The following INTS15 variants were observed in gnomAD, a reference collection of about 807,000 sequenced individuals.
INTS15 encodes the protein integrator complex subunit 15.
At chr7:6,592,098 G>A in the INTS15 span, among the ~76,000 whole-genome samples, 5 of 152,082 alleles carry the variant, frequency 3.3e-5, no homozygotes, top group African/African-American at 1.2e-4. Context: ...ATGAACCCGG[G>A]AGGCAGAGGT....
At chr7:6,601,660 CTT>C in the INTS15 span, among the ~76,000 whole-genome samples, 1 of 136,106 alleles carries the variant, frequency 7.3e-6, no homozygotes. Flanking sequence ...TTTTTTCTTT[CTT>C]TTTTTTTTTT....
chr7:6,600,246 C>G, the INTS15 span: 3 of 1,614,168 alleles, frequency 1.9e-6, no homozygotes, highest in African/African-American at 1.3e-5. Flanking sequence ...AACAGGTTGG[C>G]GGATGAACTG....
chr7:6,598,272 C>A, the INTS15 span, among the ~76,000 whole-genome samples: 49,650 of 151,902 alleles, frequency 0.33, 9,795 homozygotes, highest in Non-Finnish European at 0.46. Flanking sequence ...GAGTTGGAGA[C>A]CAGCCTGGCC....
the INTS15 span, among the ~76,000 whole-genome samples, chr7:6,606,456 G>A: frequency 4.6e-5 from 7 of 152,258 alleles, no homozygotes; most frequent in East Asian, 7.8e-4. Context: ...ATGCAGGGAC[G>A]GAGCCTTGGC....
At chr7:6,597,731 T>A in the INTS15 span, among the ~76,000 whole-genome samples, 1 of 4,652 alleles carries the variant, frequency 2.1e-4, no homozygotes, top group Non-Finnish European at 8.0e-4. Flanking sequence ...GATCTGAAAC[T>A]GTTTTTCTCT....
chr7:6,605,947 C>T, the INTS15 span, among the ~76,000 whole-genome samples: 4 of 152,162 alleles, frequency 2.6e-5, no homozygotes, highest in Non-Finnish European at 4.4e-5. Context: ...GATCTGCCTT[C>T]CTCGGCATCC....
the INTS15 span, among the ~76,000 whole-genome samples, chr7:6,597,390 G>A: frequency 9.2e-5 from 14 of 152,122 alleles, no homozygotes; most frequent in Admixed American, 2.0e-4. Context: ...CATGTCCCAG[G>A]TTTAAGCGAG....
chr7:6,590,590 T>C, the INTS15 span: 2 of 1,392,016 alleles, frequency 1.4e-6, no homozygotes, highest in Non-Finnish European at 1.9e-6. Context: ...ATCCCCGCGC[T>C]CGCGCTCGGC....
the INTS15 span, chr7:6,600,101 C>T: frequency 2.1e-5 from 34 of 1,614,120 alleles, no homozygotes; most frequent in Middle Eastern, 1.6e-4. Context: ...AGACTCCCAC[C>T]TCTTGTACTC....
the INTS15 span, chr7:6,591,975 C>T: frequency 2.2e-6 from 2 of 917,772 alleles, no homozygotes; most frequent in Non-Finnish European, 1.7e-6. Context: ...GGTTCAAGAC[C>T]AGCCTGACCA....
chr7:6,602,533 G>A, the INTS15 span: 1 of 387,672 alleles, frequency 2.6e-6, no homozygotes, highest in Non-Finnish European at 5.3e-6. Flanking sequence ...GCCATCAGGC[G>A]GCACGGACCT....
chr7:6,606,997 C>T, the INTS15 span, among the ~76,000 whole-genome samples: 1 of 152,108 alleles, frequency 6.6e-6, no homozygotes. Context: ...CCAGACCCGG[C>T]CAAGAGAGGT....
the INTS15 span, chr7:6,607,829 AC>A: frequency 2.7e-5 from 41 of 1,504,324 alleles, no homozygotes; most frequent in Non-Finnish European, 3.6e-5. The surrounding 1 kb of genome is among the most constrained non-coding windows in gnomAD (Gnocchi z 6.0). Context: ...CACCGCCTGG[AC>A]CCCCGGGTGG....
the INTS15 span, among the ~76,000 whole-genome samples, chr7:6,605,543 C>A: frequency 6.6e-6 from 1 of 152,174 alleles, no homozygotes; most frequent in East Asian, 1.9e-4. Context: ...CAGCAGTCCC[C>A]TGCTGGTCCT....
chr7:6,596,571 G>A, the INTS15 span, among the ~76,000 whole-genome samples: 1 of 151,222 alleles, frequency 6.6e-6, no homozygotes, highest in Admixed American at 6.6e-5. Context: ...TAGAGATGGG[G>A]TTTCACCATG....
At chr7:6,607,695 C>T in the INTS15 span, 3 of 1,524,838 alleles carry the variant, frequency 2.0e-6, no homozygotes, top group Non-Finnish European at 1.8e-6. This position sits in a 1 kb window ranked among gnomAD's most constrained non-coding sequence, Gnocchi z 6.0. Context: ...TGGAGGCCAC[C>T]TGTGTGGGCT....
At chr7:6,607,087 G>C in the INTS15 span, among the ~76,000 whole-genome samples, 1 of 152,030 alleles carries the variant, frequency 6.6e-6, no homozygotes, top group African/African-American at 2.4e-5. This position sits in a 1 kb window ranked among gnomAD's most constrained non-coding sequence, Gnocchi z 6.0. Flanking sequence ...GGCTGGGGGA[G>C]CTGGGGGTGA....
At chr7:6,604,177 A>G in the INTS15 span, among the ~76,000 whole-genome samples, 10 of 152,256 alleles carry the variant, frequency 6.6e-5, no homozygotes, top group Non-Finnish European at 1.5e-4. Flanking sequence ...CCTGGGCTCA[A>G]GCCATCCTCC....
the INTS15 span, chr7:6,600,040 T>C: frequency 1.9e-6 from 3 of 1,614,176 alleles, no homozygotes; most frequent in African/African-American, 4.0e-5. Flanking sequence ...CCTTATCCAA[T>C]GGCCATGTCA....
Sources: allele counts gnomAD v4.1 joint callset (sites outside exome capture counted in the v4.1 genomes callset), GRCh38; gene constraint gnomAD v4.1.1; non-coding constraint Gnocchi (gnomAD v3.1); transcripts MANE v1.5; gene names NCBI Gene and HGNC (gene_info 2026-07-23, HGNC 2026-07-21).